MSR1: variants seen among roughly 807,000 people sequenced by gnomAD.
The protein encoded by MSR1 is macrophage scavenger receptor types I and II.
In MSR1, 53 loss-of-function variants were observed where a neutral mutation model predicts 47.2. The observed-to-expected ratio is 1.12, with a 90% CI of 0.90 to 1.41. The LOEUF (loss-of-function observed/expected upper bound fraction) is 1.41. MSR1 is among the 40% of genes most tolerant of loss of function. The pLI is 0.00. For synonymous variants in MSR1, 239 were observed against 185.6 expected (o/e 1.29, Z -2.34); for missense variants, 786 against 546.9 (o/e 1.44, Z -4.36).
intron 3 of MSR1, among the ~76,000 whole-genome samples, chr8:16,173,292 T>A (rs887717704): frequency 5.3e-5 from 8 of 152,220 alleles, no homozygotes; most frequent in African/African-American, 1.9e-4. Context: ...GTCTGCACTC[T>A]GCACGAGCCT....
intron 7 of MSR1, among the ~76,000 whole-genome samples, chr8:16,145,994 G>T (rs1469572349): frequency 6.6e-6 from 1 of 152,068 alleles, no homozygotes; most frequent in African/African-American, 2.4e-5. Flanking sequence ...TCATATGTAG[G>T]AGGATATTCT....
chr8:16,191,556 T>G, intron 1 of MSR1, among the ~76,000 whole-genome samples: 1 of 149,806 alleles, frequency 6.7e-6, no homozygotes, highest in Admixed American at 6.7e-5. Flanking sequence ...TATTTTGTTC[T>G]CACGGAATCT....
intron 1 of MSR1, among the ~76,000 whole-genome samples, chr8:16,180,852 G>C (rs418920): frequency 0.22 from 33,299 of 151,962 alleles, 4,743 homozygotes; most frequent in East Asian, 0.53. Context: ...TTTCATGAAT[G>C]CTATGTTGAT....
intron 1 of MSR1, among the ~76,000 whole-genome samples, chr8:16,191,988 T>C (rs1802212302): frequency 6.6e-6 from 1 of 152,202 alleles, no homozygotes; most frequent in East Asian, 1.9e-4. Flanking sequence ...TAATTATCTA[T>C]AGTACTTTCA....
At position 16,172,076 on chromosome 8, in the gene MSR1, T is replaced by C. The variant is rs1430490245; in HGVS notation, c.217+3111A>G. Among the ~76,000 whole-genome samples, 4 of 152,296 alleles carry C rather than the reference T, an allele frequency of 2.6e-5. No homozygotes were observed. In the South Asian group the frequency reaches 6.2e-4, roughly 24 times the overall value. Reference sequence around the variant, plus strand: ...ATTGATTAACTATGGGGAAGTAGCATTGTGTGATAAAAATCTTTTTCTGGA... The same window carrying C: ...ATTGATTAACTATGGGGAAGTAGCACTGTGTGATAAAAATCTTTTTCTGGA... On this transcript the variant is annotated intron_variant, in intron 3 of 9. Transcript: ENST00000262101.
chr8:16,125,239 C>G (rs1179840168), intron 8 of MSR1, among the ~76,000 whole-genome samples: 1 of 152,084 alleles, frequency 6.6e-6, no homozygotes. Context: ...ATGTAATTGC[C>G]TTAAAAACTG....
chr8:16,133,145 G>T (rs961578385), intron 8 of MSR1, among the ~76,000 whole-genome samples: 16 of 151,992 alleles, frequency 1.1e-4, no homozygotes, highest in African/African-American at 3.9e-4. Flanking sequence ...GCAATTAAAA[G>T]GTAAAAATCA....
intron 8 of MSR1, among the ~76,000 whole-genome samples, chr8:16,126,496 A>C (rs923210266): frequency 1.3e-5 from 2 of 152,180 alleles, no homozygotes; most frequent in Non-Finnish European, 2.9e-5. Flanking sequence ...GTTTGACCTG[A>C]AAGTTCTCAC....
At chr8:16,121,272 C>A (rs918177558) in intron 8 of MSR1, 10 of 324,600 alleles carry the variant, frequency 3.1e-5, no homozygotes, top group African/African-American at 1.8e-4. Flanking sequence ...AGAAGTGATT[C>A]AAATAGTAAA....
intron 1 of MSR1, among the ~76,000 whole-genome samples, chr8:16,191,509 TTAAAA>T (rs1215657942): frequency 6.6e-6 from 1 of 152,208 alleles, no homozygotes; most frequent in Middle Eastern, 3.2e-3. Context: ...CCCTGTTATT[TTAAAA>T]TATCACTTTT....
intron 1 of MSR1, among the ~76,000 whole-genome samples, chr8:16,181,286 G>C (rs9650394): frequency 0.076 from 11,521 of 152,160 alleles, 746 homozygotes; most frequent in East Asian, 0.32. Context: ...CTTCCACAAT[G>C]GTTGAACTAA....
chr8:16,141,037 G>C, intron 8 of MSR1: 1 of 1,613,074 alleles, frequency 6.2e-7, no homozygotes, highest in Non-Finnish European at 8.5e-7. Context: ...TCAGTGAGTT[G>C]TACTGGTCCT....
Position 16,150,328 on chromosome 8 carries a change from G to T in MSR1, c.899-17C>A. ...CCGGAGGACCTACATTATTAACGAAGAAAAAAAGAAGGTAATAATTCATTT... is the reference window on the plus strand; with the variant it reads ...CCGGAGGACCTACATTATTAACGAATAAAAAAAGAAGGTAATAATTCATTT... On this transcript the variant is annotated splice_polypyrimidine_tract_variant and intron_variant, in intron 6 of 9. Coordinates refer to ENST00000262101, the MANE Select transcript of MSR1 (RefSeq NM_138715.3). The T allele has an allele frequency of 6.8e-7, 1 of 1,480,542 alleles. No homozygotes were observed. Among genetic ancestry groups the T allele is most frequent in the South Asian group, 1.3e-5 (1 of 78,524 alleles). The allele number at this position is 1,480,542 out of a possible 1,614,324, so 91.7% of individuals were successfully genotyped here.
chr8:16,148,164 A>C (rs1210338351), intron 7 of MSR1, among the ~76,000 whole-genome samples: 1 of 152,144 alleles, frequency 6.6e-6, no homozygotes, highest in African/African-American at 2.4e-5. Context: ...CTCTACTTCC[A>C]TACAGCAATT....
At chr8:16,120,380 C>T in intron 9 of MSR1, 38 bp downstream of exon 9, 2 of 1,598,714 alleles carry the variant, frequency 1.3e-6, no homozygotes, top group South Asian at 1.1e-5. Context: ...CTGTCTGAAA[C>T]AACAACAACA....
intron 1 of MSR1, among the ~76,000 whole-genome samples, chr8:16,179,949 C>T (rs938494926): frequency 2.0e-5 from 3 of 149,950 alleles, no homozygotes; most frequent in African/African-American, 7.4e-5. Context: ...GTCTCACTGA[C>T]TCTGTTTCCC....
In MSR1 at chr8:16,177,866, G is replaced by A. The variant is rs575768569; in HGVS notation, c.103+20C>T. 5 of 1,596,378 alleles carry A rather than the reference G, an allele frequency of 3.1e-6. No homozygotes were observed. In the South Asian group the frequency reaches 4.4e-5, roughly 14 times the overall value. ...ACTCTAAGAACAACCTCCATGGGCA[G>A]CCCATCCCCCTCTACTTACTCGGAG... On this transcript the variant is annotated intron_variant, in intron 2 of 9. Transcript: ENST00000262101.
At chr8:16,154,328 C>A (rs1449390254) in intron 6 of MSR1, among the ~76,000 whole-genome samples, 2 of 151,332 alleles carry the variant, frequency 1.3e-5, no homozygotes, top group Non-Finnish European at 2.9e-5. Flanking sequence ...GATTTCAAGC[C>A]AAGGCTAACA....
intron 8 of MSR1, among the ~76,000 whole-genome samples, chr8:16,132,820 TAGTGGAGAGGGCATC>T (rs527533814): frequency 0.013 from 2,043 of 152,014 alleles, 31 homozygotes; most frequent in Middle Eastern, 0.041. Flanking sequence ...TGAACAGGAG[TAGTGGAGAGGGCATC>T]ATTATCTTGT....
Sources: gnomAD v4.1 joint callset for allele counts (sites outside exome capture counted in the v4.1 genomes callset) on GRCh38, gnomAD v4.1.1 for gene constraint, MANE v1.5 for transcripts, NCBI Gene and HGNC (gene_info 2026-07-23, HGNC 2026-07-21) for gene names.